Variants in ANKS1B observed in about 807,000 individuals in gnomAD.
The protein encoded by ANKS1B is ankyrin repeat and sterile alpha motif domain-containing protein 1B.
Under a neutral mutation model 148.3 loss-of-function variants are expected in ANKS1B, and 36 were observed. The observed-to-expected ratio is 0.24, with a 90% CI of 0.19 to 0.32. The LOEUF (loss-of-function observed/expected upper bound fraction) is 0.32. ANKS1B is among the 10% of genes least tolerant of loss of function. The pLI is 1.00. For missense variants in ANKS1B, 1,157 were observed against 1,542.6 expected, an observed-to-expected ratio of 0.75 and a Z score of 4.19; for synonymous variants, 542 against 560.8, an observed-to-expected ratio of 0.97 and a Z score of 0.47.
chr12:99,701,269 A>G (rs1016773204), intron 8 of ANKS1B, among the ~76,000 whole-genome samples: 1 of 152,202 alleles, frequency 6.6e-6, no homozygotes, highest in Non-Finnish European at 1.5e-5. Context: ...TAGCTTAATC[A>G]TAAACTGGAA....
intron 14 of ANKS1B, among the ~76,000 whole-genome samples, chr12:99,196,832 C>T (rs897649190): frequency 3.3e-5 from 5 of 151,992 alleles, no homozygotes; most frequent in African/African-American, 1.2e-4. Context: ...AACTTTGGGT[C>T]CAGGGATTGT....
chr12:99,001,202 G>A lies in ANKS1B; in HGVS notation c.2778+51955C>T, dbSNP rs75349804. The stretch of plus-strand genomic sequence containing the variant: ...CGGGCTGGAGTGGTGGCGCCATCTC[G>A]GCTCACTGCTGCCTCAATCTCCTGG... On this transcript the variant is annotated intron_variant, in intron 17 of 26. Transcript: ENST00000683438. Among the ~76,000 whole-genome samples the A allele has an allele frequency of 3.9e-3, 592 of 152,028 alleles. 18 individuals are homozygous for A. The East Asian group carries it at 0.1, about 27-fold the overall frequency.
intron 9 of ANKS1B, among the ~76,000 whole-genome samples, chr12:99,589,493 C>T (rs993534857): frequency 6.6e-6 from 1 of 152,158 alleles, no homozygotes; most frequent in African/African-American, 2.4e-5. Context: ...CTGCCAGGCT[C>T]CTTTCCATTA....
At chr12:99,761,109 G>C (rs1051884906) in intron 8 of ANKS1B, among the ~76,000 whole-genome samples, 4 of 143,250 alleles carry the variant, frequency 2.8e-5, no homozygotes, top group African/African-American at 1.0e-4. Flanking sequence ...ATTTACAGCT[G>C]AATTCTACCA....
chr12:99,402,473 C>T (rs2063420017), intron 11 of ANKS1B, among the ~76,000 whole-genome samples: 1 of 145,480 alleles, frequency 6.9e-6, no homozygotes, highest in African/African-American at 2.6e-5. Context: ...CTCCTCCCAC[C>T]CTCCACCATC....
intron 14 of ANKS1B, among the ~76,000 whole-genome samples, chr12:99,197,494 C>A (rs1048182223): frequency 6.6e-6 from 1 of 152,060 alleles, no homozygotes; most frequent in Admixed American, 6.6e-5. Context: ...TGTTAACTTG[C>A]AAGACAAAAG....
intron 17 of ANKS1B, among the ~76,000 whole-genome samples, chr12:98,869,746 T>C (rs2099643816): frequency 6.6e-6 from 1 of 152,028 alleles, no homozygotes; most frequent in Non-Finnish European, 1.5e-5. Context: ...CATTTAGATG[T>C]TAATGTTTAG....
chr12:99,767,728 T>C (rs922028424), intron 8 of ANKS1B, among the ~76,000 whole-genome samples: 4 of 152,156 alleles, frequency 2.6e-5, no homozygotes, highest in African/African-American at 9.7e-5. Context: ...TTCAGATGCA[T>C]ATTATAAGAG....
intron 22 of ANKS1B, chr12:98,795,735 G>A (rs1297480175): frequency 7.0e-6 from 3 of 425,756 alleles, no homozygotes; most frequent in Middle Eastern, 3.4e-4. Context: ...CTGGCACATT[G>A]GAGAGGCAGT....
intron 17 of ANKS1B, among the ~76,000 whole-genome samples, chr12:99,052,704 C>T (rs1403824475): frequency 4.7e-5 from 5 of 105,822 alleles, no homozygotes; most frequent in Non-Finnish European, 6.7e-5. Flanking sequence ...GTCCGCAGTC[C>T]GACCTGGGCG....
rs151277376 is a variant in ANKS1B, at chr12:99,845,172, GCAAA to G, written c.135-19787_135-19784del. On this transcript the variant is annotated intron_variant, in intron 1 of 26. Coordinates refer to ENST00000683438, the MANE Select transcript of ANKS1B (RefSeq NM_001352186.2). The stretch of plus-strand genomic sequence containing the variant: ...TTCTACATATAGGATCACGTTATCT[GCAAA>G]CAAAGATAGATTGACTTCCTCTCTT... Among the ~76,000 whole-genome samples the G allele has an allele frequency of 7.9e-3, 1,196 of 152,244 alleles. 16 individuals carry two copies. Among genetic ancestry groups the G allele is most frequent in the African/African-American group, 0.027 (1,130 of 41,544 alleles).
At chr12:98,962,284 A>G (rs1053773239) in intron 17 of ANKS1B, among the ~76,000 whole-genome samples, 8 of 151,758 alleles carry the variant, frequency 5.3e-5, no homozygotes, top group African/African-American at 1.9e-4. Context: ...GAATAGCTAT[A>G]CATATATCAG....
chr12:99,016,279 G>A (rs912830458), intron 17 of ANKS1B, among the ~76,000 whole-genome samples: 6 of 152,142 alleles, frequency 3.9e-5, no homozygotes, highest in African/African-American at 1.4e-4. Flanking sequence ...CTTCTTAAAT[G>A]AACAGATGAG....
intron 1 of ANKS1B, among the ~76,000 whole-genome samples, chr12:99,882,264 G>A (rs1209529856): frequency 6.6e-6 from 1 of 151,858 alleles, no homozygotes; most frequent in African/African-American, 2.4e-5. Flanking sequence ...AGAGCCTCAG[G>A]ACCTGTAGGA....
rs2099274010 is a variant in ANKS1B at position 98,829,087 on chromosome 12, T to C, written c.3066+87A>G. 2 of 1,449,030 alleles carry C rather than the reference T, an allele frequency of 1.4e-6. No homozygotes were observed. The highest frequency in any genetic ancestry group is 3.9e-4 in the Middle Eastern group (2 of 5,082). 89.8% of individuals were successfully genotyped at this position (1,449,030 alleles called of 1,614,324 possible). A position where few individuals can be genotyped will look rare whatever the true frequency, so the allele number is the denominator to read the frequency against. ...ATAAATTCTAGTTAGGCACGGACAA[T>C]AAGCATCCATAGGAAGCTACTGTTC... On this transcript the variant is annotated intron_variant, in intron 19 of 26. Transcript: ENST00000683438. The surrounding 1 kb of genome is among the most constrained non-coding windows in gnomAD (Gnocchi z 5.2).
chr12:99,531,291 T>C lies in ANKS1B; in HGVS notation c.1273-26650A>G, dbSNP rs532519428. Among the ~76,000 whole-genome samples the C allele has an allele frequency of 2.0e-5, 3 of 152,344 alleles. No homozygotes were observed. In the East Asian group the frequency reaches 5.8e-4, roughly 29 times the overall value. ...TTGTTGTAGTATACATTTTTATTTT[T>C]ACTTTTTATTTCAATAGCTTTAGGA... On this transcript the variant is annotated intron_variant, in intron 9 of 26. Coordinates refer to ENST00000683438, the MANE Select transcript of ANKS1B (RefSeq NM_001352186.2).
intron 17 of ANKS1B, among the ~76,000 whole-genome samples, chr12:98,974,696 G>C (rs887976761): frequency 2.6e-5 from 4 of 152,114 alleles, no homozygotes; most frequent in Non-Finnish European, 4.4e-5. Context: ...GATGAGTCCA[G>C]GTAGGCCTCG....
At chr12:99,063,256 C>T (rs148692769) in intron 16 of ANKS1B, among the ~76,000 whole-genome samples, 295 of 152,292 alleles carry the variant, frequency 1.9e-3, no homozygotes, top group Non-Finnish European at 3.6e-3. Context: ...CTGATATCGT[C>T]AGGTACTTCC....
intron 14 of ANKS1B, among the ~76,000 whole-genome samples, chr12:99,196,396 T>C (rs573695589): frequency 2.6e-5 from 4 of 152,148 alleles, no homozygotes; most frequent in Non-Finnish European, 5.9e-5. Flanking sequence ...CTCTGCTCCC[T>C]TGGCTTGGTA....
Sources: gnomAD v4.1 joint callset for allele counts (sites outside exome capture counted in the v4.1 genomes callset) on GRCh38, gnomAD v4.1.1 for gene constraint, Gnocchi (gnomAD v3.1) non-coding constraint, MANE v1.5 for transcripts, NCBI Gene and HGNC (gene_info 2026-07-23, HGNC 2026-07-21) for gene names.